The following TRMT11 variants were observed in gnomAD, a reference collection of about 807,000 sequenced individuals.
TRMT11 encodes the protein tRNA (guanine(10)-N(2))-methyltransferase TRMT11.
Under a neutral mutation model 62.8 loss-of-function variants are expected in TRMT11, and 53 were observed. The ratio of observed to expected loss-of-function variants is 0.84; its 90% confidence interval spans 0.68 to 1.06. The LOEUF is 1.06. Ranked by LOEUF, TRMT11 falls within the 50% of genes least tolerant of loss-of-function variation. The pLI, the probability that TRMT11 is intolerant of heterozygous loss-of-function variation, is 0.00. For synonymous variants in TRMT11, 188 were observed against 190.3 expected, an observed-to-expected ratio of 0.99 and a Z score of 0.10; for missense variants, 556 against 553.4, an observed-to-expected ratio of 1.00 and a Z score of -0.05.
intron 21 of TRMT11, among the ~76,000 whole-genome samples, chr6:126,133,308 C>A (rs1341298515): frequency 1.3e-5 from 2 of 151,726 alleles, no homozygotes; most frequent in African/African-American, 2.4e-5. Flanking sequence ...TGCTTATTTC[C>A]CAAAATACCA....
chr6:126,033,684 G>A (rs1774640583), intron 12 of TRMT11, among the ~76,000 whole-genome samples: 1 of 152,176 alleles, frequency 6.6e-6, no homozygotes, highest in Admixed American at 6.5e-5. Context: ...GACTCTCGAT[G>A]TTTACAGCAA....
At chr6:126,007,432 A>G (rs1793525849) in intron 7 of TRMT11, among the ~76,000 whole-genome samples, 1 of 151,994 alleles carries the variant, frequency 6.6e-6, no homozygotes. Flanking sequence ...TTTGTAGTTG[A>G]AGAATATATT....
chr6:126,132,728 C>T (rs1397110311), intron 21 of TRMT11, among the ~76,000 whole-genome samples: 2 of 151,970 alleles, frequency 1.3e-5, no homozygotes, highest in African/African-American at 4.8e-5. Flanking sequence ...TGACTTCCAA[C>T]ATAGGAAGAA....
chr6:126,046,548 G>T (rs7760768), intron 16 of TRMT11, among the ~76,000 whole-genome samples: 5,464 of 152,260 alleles, frequency 0.036, 284 homozygotes, highest in African/African-American at 0.12. Flanking sequence ...GGAGAAAGAT[G>T]ATTAGGGATG....
the TRMT11 span, among the ~76,000 whole-genome samples, chr6:126,238,693 T>G: frequency 6.6e-6 from 1 of 152,204 alleles, no homozygotes; most frequent in African/African-American, 2.4e-5. Flanking sequence ...TTCTGCTGAT[T>G]TGGGGTGGAG....
chr6:126,151,936 T>TTTCTTTCTTTCTTTCTTTCC (rs1778060565), intron 21 of TRMT11, among the ~76,000 whole-genome samples: 1 of 108,642 alleles, frequency 9.2e-6, no homozygotes, highest in African/African-American at 4.3e-5. Context: ...TCTTTCTTTC[T>TTTCTTTCTTTCTTTCTTTCC]TTCTTTCTTT....
chr6:126,171,379 C>T (rs983908320), intron 21 of TRMT11, among the ~76,000 whole-genome samples: 6 of 151,412 alleles, frequency 4.0e-5, no homozygotes, highest in African/African-American at 1.5e-4. Context: ...GTGGTGGGTG[C>T]CGGGGATATG....
the TRMT11 span, among the ~76,000 whole-genome samples, chr6:126,257,004 G>A: frequency 6.6e-6 from 1 of 151,938 alleles, no homozygotes; most frequent in African/African-American, 2.4e-5. Context: ...GTCTTCCCCA[G>A]TCTCCCAAGT....
At chr6:126,132,378 A>C (rs1160547047) in intron 21 of TRMT11, among the ~76,000 whole-genome samples, 1 of 152,004 alleles carries the variant, frequency 6.6e-6, no homozygotes, top group African/African-American at 2.4e-5. Context: ...ATATCCCAAG[A>C]AAGTGAAAAT....
In TRMT11 at chr6:126,092,450, A is replaced by C. The variant is rs1583872601; in HGVS notation, c.*1438-20416A>C. On this transcript the variant is annotated intron_variant and NMD_transcript_variant, in intron 17 of 22. Transcript: ENST00000648977. ...CCATCAGATCTCATGAGACATATGC[A>C]CTACCATGAGAACAGTATGGGGGAA... Among the ~76,000 whole-genome samples, 3 of 152,300 alleles carry C rather than the reference A, an allele frequency of 2.0e-5. No homozygotes were observed. The East Asian group carries it at 5.8e-4, about 29-fold the overall frequency.
chr6:126,086,010 AC>A (rs67468600), intron 17 of TRMT11, among the ~76,000 whole-genome samples: 19 of 152,138 alleles, frequency 1.2e-4, no homozygotes, highest in Non-Finnish European at 2.6e-4. Context: ...AAAACAAAAC[AC>A]AAAACAAATG....
chr6:126,013,520 T>C (rs560652265), intron 11 of TRMT11, among the ~76,000 whole-genome samples: 27 of 152,302 alleles, frequency 1.8e-4, no homozygotes, highest in African/African-American at 5.8e-4. Context: ...CTCAGCCTCC[T>C]GAAGTGTTGT....
At chr6:126,238,510 G>A in the TRMT11 span, among the ~76,000 whole-genome samples, 1 of 152,136 alleles carries the variant, frequency 6.6e-6, no homozygotes, top group Non-Finnish European at 1.5e-5. Flanking sequence ...TTTCCATGTA[G>A]TTGAGCGGTT....
chr6:126,266,972 CTGACAA>C, the TRMT11 span, among the ~76,000 whole-genome samples: 1 of 152,144 alleles, frequency 6.6e-6, no homozygotes, highest in African/African-American at 2.4e-5. Flanking sequence ...ATAAAATGTA[CTGACAA>C]TAAGAGTGAC....
chr6:126,101,007 A>G (rs1483956341), intron 17 of TRMT11, among the ~76,000 whole-genome samples: 1 of 152,142 alleles, frequency 6.6e-6, no homozygotes, highest in African/African-American at 2.4e-5. Context: ...ACCTAATGCC[A>G]CTGCTGATCT....
the TRMT11 span, among the ~76,000 whole-genome samples, chr6:126,211,535 A>G: frequency 6.6e-6 from 1 of 151,656 alleles, no homozygotes; most frequent in South Asian, 2.1e-4. Flanking sequence ...CTTATAATCC[A>G]CTCTCTACTC....
At chr6:126,235,353 G>A in the TRMT11 span, among the ~76,000 whole-genome samples, 5 of 152,118 alleles carry the variant, frequency 3.3e-5, no homozygotes, top group African/African-American at 1.2e-4. Flanking sequence ...CCATTACTGG[G>A]TATATACTCA....
At chr6:126,076,649 A>G (rs181106451) in intron 17 of TRMT11, among the ~76,000 whole-genome samples, 1 of 152,156 alleles carries the variant, frequency 6.6e-6, no homozygotes, top group Non-Finnish European at 1.5e-5. Context: ...ATAACTACCC[A>G]TTGCCTAAAA....
chr6:126,050,841 T>C (rs1776195378), intron 16 of TRMT11, among the ~76,000 whole-genome samples: 1 of 152,204 alleles, frequency 6.6e-6, no homozygotes, highest in Admixed American at 6.5e-5. Flanking sequence ...TACTCATCTA[T>C]TCATTCATTC....
Sources: gnomAD v4.1 joint callset for allele counts (sites outside exome capture counted in the v4.1 genomes callset) on GRCh38, gnomAD v4.1.1 for gene constraint, MANE v1.5 for transcripts, NCBI Gene and HGNC (gene_info 2026-07-23, HGNC 2026-07-21) for gene names.